Variants in KCNMB2 observed in about 807,000 individuals in gnomAD.
KCNMB2 encodes potassium calcium-activated channel subfamily M regulatory beta subunit 2, also known as calcium-activated potassium channel subunit beta-2.
Under a neutral mutation model 24.5 loss-of-function variants are expected in KCNMB2, and 9 were observed. The observed-to-expected ratio is 0.37, with a 90% CI of 0.22 to 0.64. The LOEUF (loss-of-function observed/expected upper bound fraction) is 0.64. KCNMB2 is among the 30% of genes least tolerant of loss of function. KCNMB2 has a pLI of 0.63. For synonymous variants in KCNMB2, 109 were observed against 104.4 expected, an observed-to-expected ratio of 1.04 and a Z score of -0.27; for missense variants, 226 against 284.3, an observed-to-expected ratio of 0.79 and a Z score of 1.47.
chr3:178,587,142 G>C (rs1179879405), intron 1 of KCNMB2, among the ~76,000 whole-genome samples: 2 of 151,948 alleles, frequency 1.3e-5, no homozygotes, highest in African/African-American at 4.8e-5. Flanking sequence ...TCTGCTCTCT[G>C]GGTGGTCTAT....
intron 1 of KCNMB2, among the ~76,000 whole-genome samples, chr3:178,563,878 T>C (rs186484094): frequency 1.3e-4 from 20 of 152,340 alleles, no homozygotes; most frequent in African/African-American, 4.8e-4. Context: ...GTGGACACTT[T>C]AATGTTGAAT....
chr3:178,600,137 C>T (rs1033523980), intron 1 of KCNMB2, among the ~76,000 whole-genome samples: 10 of 152,268 alleles, frequency 6.6e-5, no homozygotes, highest in Middle Eastern at 3.4e-3. Context: ...CTCGGCCTCC[C>T]AAAGTGCTAG....
At chr3:178,555,264 C>T in intron 1 of KCNMB2, among the ~76,000 whole-genome samples, 1 of 152,174 alleles carries the variant, frequency 6.6e-6, no homozygotes, top group Non-Finnish European at 1.5e-5. Flanking sequence ...CTTCCCCAAG[C>T]AAAAAATTTT....
intron 1 of KCNMB2, among the ~76,000 whole-genome samples, chr3:178,707,953 A>G (rs905931284): frequency 2.0e-5 from 3 of 152,130 alleles, no homozygotes; most frequent in Non-Finnish European, 4.4e-5. Context: ...TATTTGCTCT[A>G]CTTCCACATT....
At chr3:178,702,979 T>C (rs1722153635) in intron 1 of KCNMB2, among the ~76,000 whole-genome samples, 1 of 152,068 alleles carries the variant, frequency 6.6e-6, no homozygotes, top group Non-Finnish European at 1.5e-5. Context: ...CAAGGAAAGG[T>C]TGGGAGACAA....
At chr3:178,776,594 G>C (rs1053758944) in intron 1 of KCNMB2, among the ~76,000 whole-genome samples, 2 of 152,138 alleles carry the variant, frequency 1.3e-5, no homozygotes, top group Non-Finnish European at 2.9e-5. Context: ...TTTCAAGATA[G>C]AGCCTGGTAC....
chr3:178,555,134 T>A (rs921174560), intron 1 of KCNMB2, among the ~76,000 whole-genome samples: 1 of 152,190 alleles, frequency 6.6e-6, no homozygotes, highest in Non-Finnish European at 1.5e-5. Flanking sequence ...GCCCCCATGC[T>A]ACCTGCTGCT....
At position 178,775,215 on chromosome 3, in the gene KCNMB2, A is replaced by T. The variant is rs567049358; in HGVS notation, c.-67-32128A>T. 2.6e-5 allele frequency among the ~76,000 whole-genome samples: 4 copies of T among 152,330 alleles called. No individual in the cohort carries two copies. The South Asian group carries it at 6.2e-4, about 24-fold the overall frequency. ...CAGTTAATATTCACTGCCAAATCAT[A>T]AATTACATTTTTTTTAAACACTTGA... On this transcript the variant is annotated intron_variant, in intron 1 of 4. Transcript: ENST00000452583.
chr3:178,784,238 T>C (rs1003585308), intron 1 of KCNMB2, among the ~76,000 whole-genome samples: 1 of 152,200 alleles, frequency 6.6e-6, no homozygotes, highest in Non-Finnish European at 1.5e-5. Flanking sequence ...TCTTGCATCA[T>C]AGCAAAACAA....
intron 2 of KCNMB2, 107 bp from the exon 3 acceptor site, chr3:178,825,481 A>G: frequency 1.2e-6 from 1 of 801,396 alleles, no homozygotes; most frequent in Non-Finnish European, 2.0e-6. Flanking sequence ...GCTGCACTGA[A>G]GCAGGTTTGG....
At chr3:178,673,883 C>T (rs1479694972) in intron 1 of KCNMB2, among the ~76,000 whole-genome samples, 1 of 152,092 alleles carries the variant, frequency 6.6e-6, no homozygotes, top group East Asian at 1.9e-4. Context: ...TCTTTCTTTC[C>T]CCTTCTTTCT....
chr3:178,744,502 A>G (rs188667731), intron 1 of KCNMB2, among the ~76,000 whole-genome samples: 12 of 152,292 alleles, frequency 7.9e-5, no homozygotes, highest in Admixed American at 7.2e-4. Flanking sequence ...AACCCCTACT[A>G]TGTGCTATGC....
intron 1 of KCNMB2, among the ~76,000 whole-genome samples, chr3:178,681,114 A>G (rs1187706922): frequency 6.6e-6 from 1 of 152,194 alleles, no homozygotes; most frequent in Non-Finnish European, 1.5e-5. Context: ...TTTAACAGAT[A>G]TACAGATACT....
chr3:178,603,663 G>A (rs1421887873), intron 1 of KCNMB2, among the ~76,000 whole-genome samples: 3 of 152,120 alleles, frequency 2.0e-5, no homozygotes, highest in African/African-American at 7.2e-5. Flanking sequence ...GAACATGGGA[G>A]AGTTGAGACC....
intron 1 of KCNMB2, among the ~76,000 whole-genome samples, chr3:178,779,473 A>G (rs1023357868): frequency 6.6e-6 from 1 of 152,220 alleles, no homozygotes; most frequent in African/African-American, 2.4e-5. Context: ...TTTTCTTTAC[A>G]GGTTGTAAAT....
At chr3:178,612,495 C>T (rs1411496116) in intron 1 of KCNMB2, among the ~76,000 whole-genome samples, 3 of 151,964 alleles carry the variant, frequency 2.0e-5, no homozygotes, top group Admixed American at 1.3e-4. Context: ...ATATAGTGAC[C>T]TTCCTTGTCT....
At chr3:178,641,868 T>C (rs1719741066) in intron 1 of KCNMB2, among the ~76,000 whole-genome samples, 1 of 152,150 alleles carries the variant, frequency 6.6e-6, no homozygotes, top group Non-Finnish European at 1.5e-5. Flanking sequence ...CATGAATGGG[T>C]AAATCTTATT....
At chr3:178,729,506 A>T (rs1049382518) in intron 1 of KCNMB2, 2 of 152,142 alleles carry the variant, frequency 1.3e-5, no homozygotes, top group Non-Finnish European at 2.9e-5. Context: ...ACTTTGAGAA[A>T]TTCTGTTTCT....
chr3:178,642,400 C>G (rs781496467), intron 1 of KCNMB2, among the ~76,000 whole-genome samples: 9 of 152,170 alleles, frequency 5.9e-5, no homozygotes, highest in Non-Finnish European at 1.3e-4. Context: ...TGGTTCTGTT[C>G]TCTTATGTGT....
Sources: gnomAD v4.1 joint callset for allele counts (sites outside exome capture counted in the v4.1 genomes callset) on GRCh38, gnomAD v4.1.1 for gene constraint, MANE v1.5 for transcripts, NCBI Gene and HGNC (gene_info 2026-07-23, HGNC 2026-07-21) for gene names.